The following TPP2 variants were observed in gnomAD, a reference collection of about 807,000 sequenced individuals.
TPP2 encodes tripeptidyl-peptidase 2.
In TPP2, 34 loss-of-function variants were observed where a neutral mutation model predicts 155.9. The observed-to-expected ratio is 0.22, with a 90% CI of 0.17 to 0.29. The LOEUF (loss-of-function observed/expected upper bound fraction) is 0.29, where lower values mean the gene tolerates loss of function less well. Among genes scored for constraint, TPP2 ranks in the 10% least tolerant of loss-of-function variants. The pLI is 1.00. For synonymous variants in TPP2, 510 were observed against 529.4 expected (o/e 0.96, Z 0.50); for missense variants, 1,028 against 1,522.3 (o/e 0.68, Z 5.40).
intron 5 of TPP2, among the ~76,000 whole-genome samples, chr13:102,621,072 G>T (rs1001617988): frequency 6.6e-6 from 1 of 152,154 alleles, no homozygotes; most frequent in Non-Finnish European, 1.5e-5. Flanking sequence ...CAGTCAACTA[G>T]ACCTTCAGAA....
At chr13:102,624,172 T>C (rs888788145) in intron 6 of TPP2, among the ~76,000 whole-genome samples, 1 of 152,212 alleles carries the variant, frequency 6.6e-6, no homozygotes, top group South Asian at 2.1e-4. Context: ...ATGCAGTGTT[T>C]ATAGATATGT....
At chr13:102,613,672 T>C (rs1247011469) in intron 2 of TPP2, among the ~76,000 whole-genome samples, 2 of 152,232 alleles carry the variant, frequency 1.3e-5, no homozygotes, top group African/African-American at 4.8e-5. Context: ...AGTTTTCAAC[T>C]TTCCTCTTGT....
intron 6 of TPP2, 35 bp downstream of exon 6, chr13:102,623,075 T>A: frequency 6.3e-7 from 1 of 1,588,974 alleles, no homozygotes; most frequent in Non-Finnish European, 8.6e-7. Context: ...GAGATATAGA[T>A]TTATGAGGTG....
chr13:102,597,286 G>A, intron 1 of TPP2, 83 bp downstream of exon 1: 2 of 802,048 alleles, frequency 2.5e-6, no homozygotes, highest in Non-Finnish European at 3.5e-6. Context: ...AGCCCGGCAG[G>A]CCAAAGCCCC....
chr13:102,669,799 T>C (rs547579621), intron 27 of TPP2, among the ~76,000 whole-genome samples: 1 of 152,250 alleles, frequency 6.6e-6, no homozygotes, highest in East Asian at 1.9e-4. Context: ...TGCTTGATCA[T>C]TGCCATAAGC....
chr13:102,665,437 A>C (rs1366986991), intron 27 of TPP2, among the ~76,000 whole-genome samples: 1 of 152,148 alleles, frequency 6.6e-6, no homozygotes, highest in African/African-American at 2.4e-5. Context: ...GAATAGGAGG[A>C]GAGAATTTAT....
At chr13:102,598,776 T>A (rs1050798555) in intron 1 of TPP2, among the ~76,000 whole-genome samples, 6 of 152,204 alleles carry the variant, frequency 3.9e-5, no homozygotes, top group African/African-American at 1.4e-4. Flanking sequence ...AATTTCCAGA[T>A]CTGTTTCTCA....
chr13:102,659,307 AAAT>A (rs1301389256), intron 25 of TPP2, among the ~76,000 whole-genome samples: 2 of 152,228 alleles, frequency 1.3e-5, no homozygotes, highest in African/African-American at 4.8e-5. Flanking sequence ...ATATTCAGTG[AAAT>A]AATGGCTGGA....
chr13:102,635,691 G>C lies in TPP2; in HGVS notation c.1498G>C (p.Gly500Arg). Residue 500 changes from glycine (G) to arginine (R), a missense_variant, in exon 12 of 30, where the codon GGT becomes CGT. Gly to Arg is a moderately radical substitution (Grantham distance 125, BLOSUM62 -2). Coordinates refer to ENST00000376052, the MANE Select transcript of TPP2 (RefSeq NM_001330588.2). Reference sequence around the variant, plus strand: ...TATAGAAGTATTTGCTCAAGGACATGGTATTATTCAGGTATTGTTGCCTAT... The same window carrying C: ...TATAGAAGTATTTGCTCAAGGACATCGTATTATTCAGGTATTGTTGCCTAT... ...DNIEVFAQGH[G>R]IIQVDKAYDY... 1 of 1,611,842 alleles carries C rather than the reference G, an allele frequency of 6.2e-7. No homozygotes were observed. The highest frequency in any genetic ancestry group is 8.5e-7 in the Non-Finnish European group (1 of 1,178,916).
intron 8 of TPP2, among the ~76,000 whole-genome samples, chr13:102,629,184 A>G (rs1367002339): frequency 6.6e-6 from 1 of 152,106 alleles, no homozygotes; most frequent in Admixed American, 6.5e-5. Context: ...TAACTGGGGG[A>G]TGGAAATAGA....
chr13:102,638,333 C>G lies in TPP2; in HGVS notation c.1913+18C>G. On this transcript the variant is annotated intron_variant, in intron 15 of 29. Transcript: ENST00000376052. ...GCAGCAAAGTAAGTAACAGGTTACT[C>G]ACAGCTTACTGGTACATCTAAGATT... 2 of 1,607,654 alleles carry G rather than the reference C, an allele frequency of 1.2e-6. No homozygotes were observed. The highest frequency in any genetic ancestry group is 1.7e-6 in the Non-Finnish European group (2 of 1,176,090).
chr13:102,643,118 G>T, intron 16 of TPP2, 104 bp from the exon 17 acceptor site: 3 of 1,065,164 alleles, frequency 2.8e-6, no homozygotes, highest in Non-Finnish European at 2.5e-6. Context: ...TCCCTATTAT[G>T]TCCCTACATG....
rs762028664 is a variant in TPP2, at chr13:102,674,473, G to A, written c.3562G>A (p.Asp1188Asn). ...ETFWETTKWT[D>N]LFDNKVLTFA... Reference sequence around the variant, plus strand: ...ATTTTGGGAAACTACTAAATGGACTGATCTCTTTGACAATAAGGTAACGTT... The same window carrying A: ...ATTTTGGGAAACTACTAAATGGACTAATCTCTTTGACAATAAGGTAACGTT... Residue 1188 changes from aspartate (D) to asparagine (N), a missense_variant, in exon 28 of 30, where the codon GAT (aspartate) becomes AAT (asparagine). By Grantham distance (23) the Asp-to-Asn change is conservative. Coordinates refer to ENST00000376052, the MANE Select transcript of TPP2 (RefSeq NM_001330588.2). The A allele has an allele frequency of 2.5e-6, 4 of 1,613,662 alleles. No homozygotes were observed. Among genetic ancestry groups the A allele is most frequent in the Non-Finnish European group, 3.4e-6 (4 of 1,179,708 alleles).
chr13:102,658,387 A>G (rs1883991761), intron 25 of TPP2, among the ~76,000 whole-genome samples: 1 of 152,224 alleles, frequency 6.6e-6, no homozygotes, highest in South Asian at 2.1e-4. Flanking sequence ...ACTGGAAGTC[A>G]AAGTCTTCAG....
chr13:102,651,519 CTAAAG>C, intron 24 of TPP2, 122 bp downstream of exon 24: 1 of 1,024,410 alleles, frequency 9.8e-7, no homozygotes, highest in Non-Finnish European at 1.4e-6. Context: ...TCTTTGCATT[CTAAAG>C]TATAGTGCTC....
chr13:102,624,852 C>CTTTTTTTTTTTTTT (rs1029486604), intron 6 of TPP2, among the ~76,000 whole-genome samples: 75 of 83,418 alleles, frequency 9.0e-4, no homozygotes, highest in Admixed American at 1.3e-3. Context: ...TTTTTTTTTC[C>CTTTTTTTTTTTTTT]TTTTTTTTTT....
At chr13:102,619,435 T>A (rs1342908065) in intron 5 of TPP2, among the ~76,000 whole-genome samples, 1 of 135,098 alleles carries the variant, frequency 7.4e-6, no homozygotes, top group Non-Finnish European at 1.6e-5. Flanking sequence ...TTAGGATTTC[T>A]GCAAAAAAAA....
At chr13:102,655,792 CCTT>C (rs1883820556) in intron 24 of TPP2, among the ~76,000 whole-genome samples, 1 of 152,004 alleles carries the variant, frequency 6.6e-6, no homozygotes, top group Non-Finnish European at 1.5e-5. Context: ...TCAGTTCCTT[CCTT>C]CTTCGTCGTA....
At position 102,630,074 on chromosome 13, in the gene TPP2, AATG is replaced by A; in HGVS notation, c.1145-19_1145-17del. 1 of 1,602,496 alleles carries A rather than the reference AATG, an allele frequency of 6.2e-7. No individual in the cohort carries two copies. Among genetic ancestry groups the A allele is most frequent in the Non-Finnish European group, 8.5e-7 (1 of 1,172,872 alleles). On this transcript the variant is annotated intron_variant, in intron 9 of 29. Transcript: ENST00000376052. ...GGATCCCCGTTTGTTTTCTTTTCTT[AATG>A]ATTAAATCCATCCCACAGGTGTTGG...
Sources: allele counts gnomAD v4.1 joint callset (sites outside exome capture counted in the v4.1 genomes callset), GRCh38; gene constraint gnomAD v4.1.1; transcripts MANE v1.5; gene names NCBI Gene and HGNC (gene_info 2026-07-23, HGNC 2026-07-21).